Variants in SPACA6 observed in about 807,000 individuals in gnomAD.
SPACA6 encodes sperm acrosome associated 6, also known as sperm acrosome membrane-associated protein 6.
For missense variants in SPACA6, 8 were observed against 2.8 expected (o/e 2.88, Z -1.34); for synonymous variants, 6 against 1.5 (o/e 4.05, Z -2.21).
chr19:51,709,986 C>G (rs2083534703), downstream of SPACA6, among the ~76,000 whole-genome samples: 1 of 152,226 alleles, frequency 6.6e-6, no homozygotes, highest in Non-Finnish European at 1.5e-5. Context: ...TAGCGCAGCA[C>G]CAGCCACGTG....
In SPACA6 at chr19:51,703,354, C is replaced by A; in HGVS notation, c.573+17C>A. On this transcript the variant is annotated intron_variant, in intron 6 of 8. Transcript: ENST00000637797. This position sits in a 1 kb window ranked among gnomAD's most constrained non-coding sequence, Gnocchi z 4.2. The stretch of plus-strand genomic sequence containing the variant: ...GGAGGAGGTGTGAGTCGGGGCGGGG[C>A]CGGCGCGAAGAGTTTAGACGGGCGA... 1 of 399,268 alleles carries A rather than the reference C, an allele frequency of 2.5e-6. No individual in the cohort carries two copies. The highest frequency in any genetic ancestry group is 4.4e-6 in the Non-Finnish European group (1 of 226,102). 24.7% of individuals were successfully genotyped at this position (399,268 alleles called of 1,614,324 possible).
At chr19:51,684,758 T>G (rs2083320974), upstream of SPACA6, among the ~76,000 whole-genome samples, 1 of 152,200 alleles carries the variant, frequency 6.6e-6, no homozygotes, top group Non-Finnish European at 1.5e-5. Context: ...TTAAGAAAGT[T>G]TATGAATGTG....
At chr19:51,697,685 C>G (rs984170718) in intron 2 of SPACA6, among the ~76,000 whole-genome samples, 2 of 152,138 alleles carry the variant, frequency 1.3e-5, no homozygotes, top group Non-Finnish European at 2.9e-5. Flanking sequence ...GATGGAGGAG[C>G]TGATGTAGGC....
chr19:51,698,604 G>A (rs1157870631), intron 2 of SPACA6, among the ~76,000 whole-genome samples: 1 of 152,170 alleles, frequency 6.6e-6, no homozygotes, highest in Non-Finnish European at 1.5e-5. Flanking sequence ...CTGTGGCCAA[G>A]GAGAGACCAC....
At chr19:51,709,082 G>A (rs1027718622), downstream of SPACA6, among the ~76,000 whole-genome samples, 4 of 151,988 alleles carry the variant, frequency 2.6e-5, no homozygotes, top group Non-Finnish European at 5.9e-5. Context: ...GATGAGGGTC[G>A]GCTGGGTGTG....
upstream of SPACA6, among the ~76,000 whole-genome samples, chr19:51,692,398 C>T (rs1486595396): frequency 6.6e-6 from 1 of 151,840 alleles, no homozygotes; most frequent in Non-Finnish European, 1.5e-5. This position sits in a 1 kb window ranked among gnomAD's most constrained non-coding sequence, Gnocchi z 5.6. Context: ...GAGGAAGGGG[C>T]TGAGTCCTTG....
chr19:51,694,054 CAGAG>C (rs535527792), intron 1 of SPACA6: 9 of 248,118 alleles, frequency 3.6e-5, no homozygotes, highest in Non-Finnish European at 6.3e-5. Context: ...TATGGAGAGT[CAGAG>C]AGGGGAGGAT....
At chr19:51,697,541 C>T (rs778211335) in intron 2 of SPACA6, among the ~76,000 whole-genome samples, 97 of 152,230 alleles carry the variant, frequency 6.4e-4, no homozygotes, top group Non-Finnish European at 1.3e-3. Flanking sequence ...CAGAAGGGAA[C>T]GCTGGGCTCT....
rs1020729663 is a variant in SPACA6 at position 51,704,325 on chromosome 19, G to T, written c.786G>T (p.Val262=). The T allele has an allele frequency of 1.5e-5, 6 of 400,726 alleles. No homozygotes were observed. Among genetic ancestry groups the T allele is most frequent in the Non-Finnish European group, 2.7e-5 (6 of 226,108 alleles). 24.8% of individuals were successfully genotyped at this position (400,726 alleles called of 1,614,324 possible). A position where few individuals can be genotyped will look rare whatever the true frequency, so the allele number is the denominator to read the frequency against. The change falls in exon 8 of 9, where the codon GTG becomes GTT. Residue 262 remains valine, a synonymous_variant. Transcript: ENST00000637797. ...ETELQASFRE[V]LRWAPRDAEL... is the part of the protein sequence containing the mutation. ...AGTTGCAGGCCTCGTTCCGGGAAGT[G>T]CTGCGCTGGGCGCCGCGGGATGCCG...
At chr19:51,692,015 C>T (rs1290344915), upstream of SPACA6, among the ~76,000 whole-genome samples, 1 of 152,122 alleles carries the variant, frequency 6.6e-6, no homozygotes, top group East Asian at 1.9e-4. This position sits in a 1 kb window ranked among gnomAD's most constrained non-coding sequence, Gnocchi z 5.6. Context: ...AGGACTGGTG[C>T]TCAGGGCCTG....
chr19:51,693,084 T>C, upstream of SPACA6: 1 of 364,060 alleles, frequency 2.7e-6, no homozygotes, highest in Non-Finnish European at 5.5e-6. Flanking sequence ...CAGTGGATCC[T>C]CTGACTCCCT....
upstream of SPACA6, among the ~76,000 whole-genome samples, chr19:51,688,961 C>A (rs200368567): frequency 0.014 from 1,115 of 80,068 alleles, 16 homozygotes; most frequent in African/African-American, 0.047. Context: ...AGAGAGAGAG[C>A]GAGAGAGCAC....
intron 2 of SPACA6, 29 bp from the exon 3 acceptor site, chr19:51,701,629 C>CA (rs2083468906): frequency 2.5e-6 from 1 of 398,806 alleles, no homozygotes; most frequent in Non-Finnish European, 4.4e-6. Context: ...GGCTTTACTA[C>CA]ACAGGCCGTC....
chr19:51,698,315 C>T (rs1185179908), intron 2 of SPACA6, among the ~76,000 whole-genome samples: 2 of 152,158 alleles, frequency 1.3e-5, no homozygotes, highest in African/African-American at 2.4e-5. Flanking sequence ...GACTTTACAA[C>T]ACCCACCCAT....
intron 2 of SPACA6, among the ~76,000 whole-genome samples, chr19:51,711,751 C>A (rs1242171002): frequency 6.6e-6 from 1 of 150,540 alleles, no homozygotes; most frequent in Admixed American, 6.6e-5. Context: ...CATGGATGAA[C>A]CTTGATATGC....
upstream of SPACA6, chr19:51,687,510 G>A (rs1384606294): frequency 7.3e-6 from 1 of 137,558 alleles, no homozygotes; most frequent in African/African-American, 2.7e-5. Flanking sequence ...AAAAAACCAA[G>A]GTGCAGAATA....
At chr19:51,696,950 G>A (rs1451900481) in intron 2 of SPACA6, among the ~76,000 whole-genome samples, 1 of 152,134 alleles carries the variant, frequency 6.6e-6, no homozygotes, top group Non-Finnish European at 1.5e-5. Flanking sequence ...AGATAGCAAG[G>A]GGCCACCTCC....
chr19:51,692,511 G>A, upstream of SPACA6: 1 of 431,572 alleles, frequency 2.3e-6, no homozygotes, highest in South Asian at 1.7e-5. The surrounding 1 kb of genome is among the most constrained non-coding windows in gnomAD (Gnocchi z 5.6). Context: ...GGAGGGGGAT[G>A]AGAGCCTTGA....
chr19:51,684,134 G>T (rs1326098149), upstream of SPACA6, among the ~76,000 whole-genome samples: 1 of 152,030 alleles, frequency 6.6e-6, no homozygotes, highest in African/African-American at 2.4e-5. Flanking sequence ...AGGTTTTTTT[G>T]GGGGGAGAAG....
Sources: gnomAD v4.1 joint callset for allele counts (sites outside exome capture counted in the v4.1 genomes callset) on GRCh38, gnomAD v4.1.1 for gene constraint, Gnocchi (gnomAD v3.1) non-coding constraint, MANE v1.5 for transcripts, NCBI Gene and HGNC (gene_info 2026-07-23, HGNC 2026-07-21) for gene names.